Variants in EVC observed in about 807,000 individuals in gnomAD.
EVC encodes the protein evC complex member EVC.
A neutral mutation model predicts 118.9 loss-of-function variants in EVC; 116 were observed. The observed-to-expected ratio is 0.98, with a 90% CI of 0.84 to 1.14. The LOEUF is 1.14. EVC is among the 50% of genes most tolerant of loss of function. The probability of loss-of-function intolerance (pLI) is 0.00; values close to 1 mark genes in which losing one functional copy is unlikely to be tolerated. For synonymous variants in EVC, 619 were observed against 534.7 expected (o/e 1.16, Z -2.18); for missense variants, 1,401 against 1,246.4 (o/e 1.12, Z -1.87).
Position 5,731,394 on chromosome 4 carries a change from G to A in EVC, c.385-31G>A, listed in dbSNP as rs1726787185. The A allele has an allele frequency of 6.6e-7, 1 of 1,513,166 alleles. No homozygotes were observed. The highest frequency in any genetic ancestry group is 1.1e-5 in the South Asian group (1 of 89,002). The allele number at this position is 1,513,166 out of a possible 1,614,324, so 93.7% of individuals were successfully genotyped here. On this transcript the variant is annotated intron_variant, in intron 3 of 20. Transcript: ENST00000264956. The surrounding 1 kb of genome is among the most constrained non-coding windows in gnomAD (Gnocchi z 5.6). ...AGATCAAATCCCAGAGGCATCACAT[G>A]GACTGAGTGTGACTCCTACTGCCAC...
At chr4:5,788,231 CAG>C in intron 12 of EVC, among the ~76,000 whole-genome samples, 1 of 152,204 alleles carries the variant, frequency 6.6e-6, no homozygotes, top group Non-Finnish European at 1.5e-5. Context: ...TTCTGTGGGT[CAG>C]GGGTCCAGGC....
rs532374197 is a variant in EVC at position 5,778,242 on chromosome 4, T to C, written c.1564-5310T>C. On this transcript the variant is annotated intron_variant, in intron 11 of 20. Coordinates refer to ENST00000264956, the MANE Select transcript of EVC (RefSeq NM_153717.3). ...TTTTCTTAATCCAGTCTATCATTGT[T>C]GGACATTTGGGTTGGTTCCAAGTCT... Among the ~76,000 whole-genome samples, 48 of 151,998 alleles carry C rather than the reference T, an allele frequency of 3.2e-4. 1 individual carries two copies. The highest frequency in any genetic ancestry group is 1.2e-3 in the African/African-American group (48 of 41,272).
At chr4:5,824,615 C>T in the EVC span, 1 of 950,730 alleles carries the variant, frequency 1.1e-6, no homozygotes, top group African/African-American at 1.8e-5. Context: ...GATCCATGAC[C>T]TGAGAATAGT....
chr4:5,719,098 A>T lies in EVC; in HGVS notation c.175-150A>T. On this transcript the variant is annotated intron_variant, in intron 1 of 20. Coordinates refer to ENST00000264956, the MANE Select transcript of EVC (RefSeq NM_153717.3). The surrounding 1 kb of genome is among the most constrained non-coding windows in gnomAD (Gnocchi z 4.7). ...CCACGTGGGGTGGGAGGCGTCACAC[A>T]CAGAAGACCAAGCTTGAGAAGCACA... 1 of 1,075,508 alleles carries T rather than the reference A, an allele frequency of 9.3e-7. No individual in the cohort carries two copies. The highest frequency in any genetic ancestry group is 1.4e-6 in the Non-Finnish European group (1 of 703,154). The allele number at this position is 1,075,508 out of a possible 1,614,324, so 66.6% of individuals were successfully genotyped here. A position where few individuals can be genotyped will look rare whatever the true frequency, so the allele number is the denominator to read the frequency against.
chr4:5,714,457 C>T (rs1723603693), intron 1 of EVC, among the ~76,000 whole-genome samples: 1 of 151,608 alleles, frequency 6.6e-6, no homozygotes, highest in Admixed American at 6.6e-5. Context: ...AATTTACTTC[C>T]CATTTCTAAA....
chr4:5,730,352 C>T (rs1726586893), intron 3 of EVC, among the ~76,000 whole-genome samples: 1 of 152,126 alleles, frequency 6.6e-6, no homozygotes, highest in South Asian at 2.1e-4. Flanking sequence ...AATATTTCAC[C>T]TTGTTTAACA....
chr4:5,821,746 C>T, the EVC span: 1 of 1,599,784 alleles, frequency 6.3e-7, no homozygotes, highest in Non-Finnish European at 8.5e-7. The surrounding 1 kb of genome is among the most constrained non-coding windows in gnomAD (Gnocchi z 4.4). Context: ...GCTAGCTCCT[C>T]CGCGCATCCA....
In EVC at chr4:5,719,866, C is replaced by A. The variant is rs369214893; in HGVS notation, c.300+493C>A. 1.3e-5 allele frequency among the ~76,000 whole-genome samples: 2 copies of A among 152,206 alleles called. No individual in the cohort carries two copies. Among genetic ancestry groups the A allele is most frequent in the African/African-American group, 4.8e-5 (2 of 41,450 alleles). ...TGGATGTGCCACACTTTGTTGATTG[C>A]TCACTGTTTGTGTGTATTTCATTGG... On this transcript the variant is annotated intron_variant, in intron 2 of 20. Coordinates refer to ENST00000264956, the MANE Select transcript of EVC (RefSeq NM_153717.3). This position sits in a 1 kb window ranked among gnomAD's most constrained non-coding sequence, Gnocchi z 4.7.
rs1383567010 is a variant in EVC, at chr4:5,737,477, C to T, written c.702+4042C>T. Among the ~76,000 whole-genome samples the T allele has an allele frequency of 6.6e-6, 1 of 152,196 alleles. No homozygotes were observed. Among genetic ancestry groups the T allele is most frequent in the Admixed American group, 6.5e-5 (1 of 15,274 alleles). On this transcript the variant is annotated intron_variant, in intron 5 of 20. Transcript: ENST00000264956. This position sits in a 1 kb window ranked among gnomAD's most constrained non-coding sequence, Gnocchi z 5.0. The stretch of plus-strand genomic sequence containing the variant: ...GAAGATGCCATCTAAGACTTCATAG[C>T]TAAAGAGGAGAAGTCAATACCTGGC...
chr4:5,797,922 AAGTTGTAGAGCTGGG>A (rs1432782582), intron 14 of EVC, among the ~76,000 whole-genome samples: 1 of 152,142 alleles, frequency 6.6e-6, no homozygotes, highest in Non-Finnish European at 1.5e-5. Context: ...AATAATTAGT[AAGTTGTAGAGCTGGG>A]AGTTACACCC....
At chr4:5,809,315 C>T (rs965430233) in intron 18 of EVC, among the ~76,000 whole-genome samples, 1 of 152,166 alleles carries the variant, frequency 6.6e-6, no homozygotes, top group Non-Finnish European at 1.5e-5. Context: ...TGAGGACCCA[C>T]AGTTATGCAG....
At chr4:5,723,398 T>C (rs1381960791) in intron 2 of EVC, among the ~76,000 whole-genome samples, 2 of 151,672 alleles carry the variant, frequency 1.3e-5, no homozygotes, top group African/African-American at 2.4e-5. Context: ...ACCATGTTGG[T>C]CAGGCTGGTC....
downstream of EVC, among the ~76,000 whole-genome samples, chr4:5,816,994 C>T (rs1369664250): frequency 6.6e-6 from 1 of 152,166 alleles, no homozygotes; most frequent in Non-Finnish European, 1.5e-5. Flanking sequence ...TTAGCTGCCT[C>T]CGTCATGCTC....
intron 12 of EVC, among the ~76,000 whole-genome samples, chr4:5,788,303 T>G (rs1712091542): frequency 6.6e-6 from 1 of 152,198 alleles, no homozygotes; most frequent in East Asian, 1.9e-4. Context: ...ATCCCTGGGC[T>G]GGGGCTGGAG....
intron 19 of EVC, 129 bp downstream of exon 19, chr4:5,809,740 G>C: frequency 1.2e-6 from 1 of 845,984 alleles, no homozygotes; most frequent in Non-Finnish European, 1.9e-6. Flanking sequence ...GGGCTTTTGT[G>C]ACCTTGTCTG....
Position 5,748,142 on chromosome 4 carries a change from T to G in EVC, c.940-6T>G. 6.2e-7 allele frequency: 1 copy of G among 1,614,226 alleles called. No individual in the cohort carries two copies. The highest frequency in any genetic ancestry group is 8.5e-7 in the Non-Finnish European group (1 of 1,180,046). On this transcript the variant is annotated splice_region_variant and splice_polypyrimidine_tract_variant and intron_variant, in intron 7 of 20. Transcript: ENST00000264956. ...TCACTTCTTGCTGCTTGTGCTCATTTCACAGATGGAAGCTTTCTGGAAACA... is the reference window on the plus strand; with the variant it reads ...TCACTTCTTGCTGCTTGTGCTCATTGCACAGATGGAAGCTTTCTGGAAACA...
At chr4:5,780,058 T>A in intron 11 of EVC, among the ~76,000 whole-genome samples, 1 of 152,212 alleles carries the variant, frequency 6.6e-6, no homozygotes, top group Admixed American at 6.5e-5. Flanking sequence ...TGAAGGGTTG[T>A]TGAATTTTGT....
intron 15 of EVC, among the ~76,000 whole-genome samples, chr4:5,800,184 A>C (rs542217464): frequency 6.6e-6 from 1 of 152,224 alleles, no homozygotes; most frequent in South Asian, 2.1e-4. Context: ...GTCTCTACTA[A>C]AAATACAAAA....
the EVC span, chr4:5,824,582 C>T: frequency 1.6e-5 from 15 of 963,088 alleles, no homozygotes; most frequent in South Asian, 2.9e-4. Flanking sequence ...TGACCAAATC[C>T]GGCCCACCGC....
Sources: gnomAD v4.1 joint callset for allele counts (sites outside exome capture counted in the v4.1 genomes callset) on GRCh38, gnomAD v4.1.1 for gene constraint, Gnocchi (gnomAD v3.1) non-coding constraint, MANE v1.5 for transcripts, NCBI Gene and HGNC (gene_info 2026-07-23, HGNC 2026-07-21) for gene names.